The following PIK3CG variants were observed in gnomAD, a reference collection of about 807,000 sequenced individuals.
The protein encoded by PIK3CG is phosphatidylinositol 4,5-bisphosphate 3-kinase catalytic subunit gamma isoform.
A neutral mutation model predicts 102.3 loss-of-function variants in PIK3CG; 55 were observed. That is an observed-to-expected ratio of 0.54 (90% CI 0.43 to 0.67). The LOEUF (loss-of-function observed/expected upper bound fraction) is 0.67, where lower values mean the gene tolerates loss of function less well. Ranked by LOEUF, PIK3CG falls within the 30% of genes least tolerant of loss-of-function variation. The pLI is 0.00. For missense variants in PIK3CG, 1,258 were observed against 1,391.8 expected (o/e 0.90, Z 1.53); for synonymous variants, 552 against 540.0 (o/e 1.02, Z -0.31).
At chr7:106,887,818 C>T (rs931196280) in intron 10 of PIK3CG, among the ~76,000 whole-genome samples, 3 of 151,928 alleles carry the variant, frequency 2.0e-5, no homozygotes, top group Non-Finnish European at 2.9e-5. Context: ...CATGTCTTCT[C>T]TCCTGTCAGC....
rs767130568 is a variant in PIK3CG, at chr7:106,868,515, G to C, written c.954G>C (p.Val318=). 1 of 1,614,142 alleles carries C rather than the reference G, an allele frequency of 6.2e-7. No homozygotes were observed. Among genetic ancestry groups the C allele is most frequent in the South Asian group, 1.1e-5 (1 of 91,082 alleles). The change falls in exon 2 of 11, where the codon GTG becomes GTC. Residue 318 remains valine, a synonymous_variant. Coordinates refer to ENST00000496166, the MANE Select transcript of PIK3CG (RefSeq NM_001282426.2). This position sits in a 1 kb window ranked among gnomAD's most constrained non-coding sequence, Gnocchi z 6.2. ...CTCCAGACCCGGCCCTAGACGAGGT[G>C]AGGAAGGAAGAGTGGCCACTGGTGG... The part of the protein sequence containing the change: ...DTPPDPALDE[V]RKEEWPLVDD...
rs1416121226 is a variant in PIK3CG at position 106,908,267 on chromosome 7, G to A, written c.*2880G>A. Among the ~76,000 whole-genome samples, 1 of 152,226 alleles carries A rather than the reference G, an allele frequency of 6.6e-6. No homozygotes were observed. The highest frequency in any genetic ancestry group is 1.5e-5 in the Non-Finnish European group (1 of 68,042). ...TCTGAGCATGAGGCTCTGTGTGACT[G>A]CATGGGTCCATGAGACCAGCACTGT... On this transcript the variant is annotated 3_prime_UTR_variant, in exon 11 of 11. Transcript: ENST00000496166. The surrounding 1 kb of genome is among the most constrained non-coding windows in gnomAD (Gnocchi z 4.1).
chr7:106,884,031 C>A lies in PIK3CG; in HGVS notation c.2761-124C>A. 1 of 706,924 alleles carries A rather than the reference C, an allele frequency of 1.4e-6. No individual in the cohort carries two copies. The highest frequency in any genetic ancestry group is 1.8e-5 in the African/African-American group (1 of 56,606). 43.8% of individuals were successfully genotyped at this position (706,924 alleles called of 1,614,324 possible). A position where few individuals can be genotyped will look rare whatever the true frequency, so the allele number is the denominator to read the frequency against. ...TTCATAGATATAATGCTAATGAAAT[C>A]AGGCACAACTAACTTGCTCTCTGAA... On this transcript the variant is annotated intron_variant, in intron 8 of 10. Coordinates refer to ENST00000496166, the MANE Select transcript of PIK3CG (RefSeq NM_001282426.2). The surrounding 1 kb of genome is among the most constrained non-coding windows in gnomAD (Gnocchi z 4.2).
At position 106,868,499 on chromosome 7, in the gene PIK3CG, C is replaced by T. The variant is rs1790403179; in HGVS notation, c.938C>T (p.Pro313Leu). 1.2e-6 allele frequency: 2 copies of T among 1,614,126 alleles called. No individual in the cohort carries two copies. The highest frequency in any genetic ancestry group is 2.2e-5 in the East Asian group (1 of 44,876). Residue 313 changes from proline to leucine, a missense_variant, in exon 2 of 11, where the codon CCG (proline) becomes CTG (leucine). Coordinates refer to ENST00000496166, the MANE Select transcript of PIK3CG (RefSeq NM_001282426.2). The surrounding 1 kb of genome is among the most constrained non-coding windows in gnomAD (Gnocchi z 6.2). ...IHVVLDTPPDPALDEVRKEEW... is the reference protein window; with the variant it reads ...IHVVLDTPPDLALDEVRKEEW... Reference sequence around the variant, plus strand: ...GTGGTACTGGACACGCCTCCAGACCCGGCCCTAGACGAGGTGAGGAAGGAA... The same window carrying T: ...GTGGTACTGGACACGCCTCCAGACCTGGCCCTAGACGAGGTGAGGAAGGAA...
chr7:106,888,039 C>G (rs1220149059), intron 10 of PIK3CG, among the ~76,000 whole-genome samples: 1 of 137,214 alleles, frequency 7.3e-6, no homozygotes, highest in East Asian at 2.3e-4. Flanking sequence ...CTCCCAGGTT[C>G]AAGCAATTCT....
Position 106,884,330 on chromosome 7 carries a change from T to G in PIK3CG, c.2872+64T>G. 9.6e-7 allele frequency: 1 copy of G among 1,045,628 alleles called. No homozygotes were observed. The highest frequency in any genetic ancestry group is 1.5e-6 in the Non-Finnish European group (1 of 675,810). The allele number at this position is 1,045,628 out of a possible 1,614,324, so 64.8% of individuals were successfully genotyped here. ...AAAATATATATAACATAACATTTAC[T>G]ATTTTAACTCTAATTAACTGTAAGT... On this transcript the variant is annotated intron_variant, in intron 9 of 10. Transcript: ENST00000496166. This position sits in a 1 kb window ranked among gnomAD's most constrained non-coding sequence, Gnocchi z 4.2.
Position 106,907,148 on chromosome 7 carries a change from CCCTTG to C in PIK3CG, c.*1765_*1769del, listed in dbSNP as rs538494550. 3.9e-5 allele frequency: 7 copies of C among 179,134 alleles called. No individual in the cohort carries two copies. Among genetic ancestry groups the C allele is most frequent in the African/African-American group, 1.4e-4 (6 of 42,426 alleles). 11.1% of individuals were successfully genotyped at this position (179,134 alleles called of 1,614,324 possible). ...AAAAATAAAATAAAAAATAAAAACACCCTTGCCTGCGCTCCATTCCCAGGTTATAA... is the reference window on the plus strand; with the variant it reads ...AAAAATAAAATAAAAAATAAAAACACCCTGCGCTCCATTCCCAGGTTATAA... On this transcript the variant is annotated 3_prime_UTR_variant, in exon 11 of 11. Coordinates refer to ENST00000496166, the MANE Select transcript of PIK3CG (RefSeq NM_001282426.2).
At position 106,905,196 on chromosome 7, in the gene PIK3CG, C is replaced by T. The variant is rs2116617966; in HGVS notation, c.3118C>T (p.Pro1040Ser). The change falls in exon 11 of 11, where the codon CCC (proline) becomes TCC (serine). Residue 1040 changes from proline to serine, a missense_variant. Physicochemically the swap from Pro to Ser is moderately conservative, Grantham distance 74 (BLOSUM62 -1). Coordinates refer to ENST00000496166, the MANE Select transcript of PIK3CG (RefSeq NM_001282426.2). This position sits in a 1 kb window ranked among gnomAD's most constrained non-coding sequence, Gnocchi z 5.6. The stretch of plus-strand genomic sequence containing the variant: ...CTCCATGATGCTGATGACAGGAATG[C>T]CCCAGTTAACAAGCAAAGAAGACAT... ...LFSMMLMTGM[P>S]QLTSKEDIEY... 1 of 1,614,010 alleles carries T rather than the reference C, an allele frequency of 6.2e-7. No homozygotes were observed. The highest frequency in any genetic ancestry group is 8.5e-7 in the Non-Finnish European group (1 of 1,179,932).
Position 106,868,028 on chromosome 7 carries a change from C to T in PIK3CG, c.467C>T (p.Ala156Val), listed in dbSNP as rs1370328855. 3 of 1,612,048 alleles carry T rather than the reference C, an allele frequency of 1.9e-6. No homozygotes were observed. The highest frequency in any genetic ancestry group is 2.5e-6 in the Non-Finnish European group (3 of 1,179,100). ...CAAGCCTTCCAGCGGCAGCTCACGG[C>T]GCTGATTGGCTATGACGTCACTGAC... Reference protein sequence around the residue: ...ESQAFQRQLTALIGYDVTDVS... With the variant: ...ESQAFQRQLTVLIGYDVTDVS... The change falls in exon 2 of 11, where the codon GCG (alanine) becomes GTG (valine). Residue 156 changes from alanine to valine, a missense_variant. Physicochemically the swap from Ala to Val is moderately conservative, Grantham distance 64. Transcript: ENST00000496166. The surrounding 1 kb of genome is among the most constrained non-coding windows in gnomAD (Gnocchi z 6.2).
intron 10 of PIK3CG, among the ~76,000 whole-genome samples, chr7:106,886,553 G>A (rs1262188922): frequency 4.6e-5 from 7 of 152,292 alleles, no homozygotes; most frequent in Admixed American, 2.0e-4. Flanking sequence ...ATGGGCAAAT[G>A]TGGAACACCA....
In PIK3CG at chr7:106,882,203, A is replaced by T. The variant is rs561495434; in HGVS notation, c.2625A>T (p.Lys875Asn). Reference sequence around the variant, plus strand: ...ATGGTTGCATTTCAACTGGTGACAAAATAGGTATGTAGTTACCTCAGGAGA... The same window carrying T: ...ATGGTTGCATTTCAACTGGTGACAATATAGGTATGTAGTTACCTCAGGAGA... ...LPYGCISTGDKIGMIEIVKDA... is the reference protein window; with the variant it reads ...LPYGCISTGDNIGMIEIVKDA... The change falls in exon 7 of 11, where the codon AAA (lysine) becomes AAT (asparagine). Residue 875 changes from lysine (K) to asparagine (N), a missense_variant. Transcript: ENST00000496166. 2.6e-6 allele frequency: 4 copies of T among 1,552,652 alleles called. No individual in the cohort carries two copies. The East Asian group carries it at 9.4e-5, about 36-fold the overall frequency.
intron 5 of PIK3CG, among the ~76,000 whole-genome samples, chr7:106,876,404 T>A (rs1349024909): frequency 1.3e-5 from 2 of 151,442 alleles, no homozygotes; most frequent in African/African-American, 2.4e-5. Flanking sequence ...TTCTTTTTTT[T>A]TTTTTGAGAC....
rs1269689685 is a variant in PIK3CG at position 106,867,757 on chromosome 7, A to C, written c.196A>C (p.Asn66His). Reference protein sequence around the residue: ...TALLHVAGHGNVEQMKAQVWL... With the variant: ...TALLHVAGHGHVEQMKAQVWL... Reference sequence around the variant, plus strand: ...GCTGCTGCACGTGGCCGGCCACGGCAACGTGGAGCAGATGAAGGCCCAGGT... The same window carrying C: ...GCTGCTGCACGTGGCCGGCCACGGCCACGTGGAGCAGATGAAGGCCCAGGT... Residue 66 changes from asparagine (N) to histidine (H), a missense_variant, in exon 2 of 11, where the codon AAC becomes CAC. By Grantham distance (68) the Asn-to-His change is moderately conservative. This residue lies in a region of PIK3CG where 832 missense variants were observed against 787.5 expected (regional missense o/e 1.06). Coordinates refer to ENST00000496166, the MANE Select transcript of PIK3CG (RefSeq NM_001282426.2). This position sits in a 1 kb window ranked among gnomAD's most constrained non-coding sequence, Gnocchi z 5.1. 6.2e-7 allele frequency: 1 copy of C among 1,612,926 alleles called. No individual in the cohort carries two copies. Among genetic ancestry groups the C allele is most frequent in the Non-Finnish European group, 8.5e-7 (1 of 1,179,846 alleles).
chr7:106,869,155 C>G lies in PIK3CG; in HGVS notation c.1594C>G (p.His532Asp), dbSNP rs2116459225. 10 of 1,614,224 alleles carry G rather than the reference C, an allele frequency of 6.2e-6. No individual in the cohort carries two copies. Among genetic ancestry groups the G allele is most frequent in the Non-Finnish European group, 8.5e-6 (10 of 1,180,048 alleles). Residue 532 changes from histidine (H) to aspartate (D), a missense_variant, in exon 2 of 11, where the codon CAT (histidine) becomes GAT (aspartate). Physicochemically the swap from His to Asp is moderately conservative, Grantham distance 81 (BLOSUM62 -1). Coordinates refer to ENST00000496166, the MANE Select transcript of PIK3CG (RefSeq NM_001282426.2). The surrounding 1 kb of genome is among the most constrained non-coding windows in gnomAD (Gnocchi z 5.3). The part of the protein sequence containing the change: ...NYCHPIALPK[H>D]QPTPDPEGDR... ...CTGCCACCCGATAGCCCTGCCTAAG[C>G]ATCAGCCCACCCCTGACCCGGAAGG...
chr7:106,881,482 G>A (rs1322242736), intron 6 of PIK3CG, among the ~76,000 whole-genome samples: 4 of 152,068 alleles, frequency 2.6e-5, no homozygotes, highest in South Asian at 2.1e-4. Flanking sequence ...GAGTTTTGTG[G>A]TAAAATAGAC....
Position 106,905,463 on chromosome 7 carries a change from C to A in PIK3CG, c.*76C>A. On this transcript the variant is annotated 3_prime_UTR_variant, in exon 11 of 11. Coordinates refer to ENST00000496166, the MANE Select transcript of PIK3CG (RefSeq NM_001282426.2). This position sits in a 1 kb window ranked among gnomAD's most constrained non-coding sequence, Gnocchi z 5.6. ...CATAGCAATCATCGAACTTGGATTTCAAATGCAATAGACATTGTGAAAGCT... is the reference window on the plus strand; with the variant it reads ...CATAGCAATCATCGAACTTGGATTTAAAATGCAATAGACATTGTGAAAGCT... 7.5e-7 allele frequency: 1 copy of A among 1,336,034 alleles called. No individual in the cohort carries two copies. The highest frequency in any genetic ancestry group is 2.0e-5 in the Admixed American group (1 of 51,198). 82.8% of individuals were successfully genotyped at this position (1,336,034 alleles called of 1,614,324 possible).
chr7:106,874,644 T>C lies in PIK3CG; in HGVS notation c.2288-56T>C. 1 of 1,077,546 alleles carries C rather than the reference T, an allele frequency of 9.3e-7. No homozygotes were observed. Among genetic ancestry groups the C allele is most frequent in the South Asian group, 1.3e-5 (1 of 78,766 alleles). The allele number at this position is 1,077,546 out of a possible 1,614,324, so 66.7% of individuals were successfully genotyped here. On this transcript the variant is annotated intron_variant, in intron 4 of 10. Transcript: ENST00000496166. This position sits in a 1 kb window ranked among gnomAD's most constrained non-coding sequence, Gnocchi z 4.3. The stretch of plus-strand genomic sequence containing the variant: ...ATGTGTTCTCAGGAAATGTAATAGA[T>C]AATATTGATGATTTCTGGAACTCAC...
Position 106,905,520 on chromosome 7 carries a change from T to A in PIK3CG, c.*133T>A. On this transcript the variant is annotated 3_prime_UTR_variant, in exon 11 of 11. Coordinates refer to ENST00000496166, the MANE Select transcript of PIK3CG (RefSeq NM_001282426.2). This position sits in a 1 kb window ranked among gnomAD's most constrained non-coding sequence, Gnocchi z 5.6. Reference sequence around the variant, plus strand: ...TCAGAAGTATAGCTCTTTTCCTACCTGAACTCTTCCCTGGAGAAAAGATGT... The same window carrying A: ...TCAGAAGTATAGCTCTTTTCCTACCAGAACTCTTCCCTGGAGAAAAGATGT... The A allele has an allele frequency of 1.3e-6, 1 of 772,360 alleles. No individual in the cohort carries two copies. The highest frequency in any genetic ancestry group is 2.1e-6 in the Non-Finnish European group (1 of 484,818). 47.8% of individuals were successfully genotyped at this position (772,360 alleles called of 1,614,324 possible).
chr7:106,888,446 T>C (rs1791170302), intron 10 of PIK3CG, among the ~76,000 whole-genome samples: 1 of 152,132 alleles, frequency 6.6e-6, no homozygotes, highest in Admixed American at 6.5e-5. Flanking sequence ...AGGTTTGCAG[T>C]ATAGGGAGGC....
Sources: allele counts gnomAD v4.1 joint callset (sites outside exome capture counted in the v4.1 genomes callset), GRCh38; gene constraint gnomAD v4.1.1; regional missense constraint gnomAD v4.1.1; non-coding constraint Gnocchi (gnomAD v3.1); transcripts MANE v1.5; gene names NCBI Gene and HGNC (gene_info 2026-07-23, HGNC 2026-07-21).